SATB2: variants seen among roughly 807,000 people sequenced by gnomAD.
The protein encoded by SATB2 is DNA-binding protein SATB2.
Under a neutral mutation model 73.4 loss-of-function variants are expected in SATB2, and 1 was observed. That is an observed-to-expected ratio of 0.01 (90% CI 0.00 to 0.06). SATB2 has a LOEUF of 0.06. Among genes scored for constraint, SATB2 ranks in the 10% least tolerant of loss-of-function variants. SATB2 has a pLI of 1.00. For missense variants in SATB2, 459 were observed against 945.8 expected, an observed-to-expected ratio of 0.49 and a Z score of 6.75; for synonymous variants, 397 against 367.0, an observed-to-expected ratio of 1.08 and a Z score of -0.93.
chr2:199,470,917 A>T (rs1042886278), intron 1 of SATB2: 2 of 152,446 alleles, frequency 1.3e-5, no homozygotes, highest in Non-Finnish European at 2.9e-5. Context: ...CGGGTCTTTC[A>T]CCCCAAAGGA....
chr2:199,279,868 C>T (rs372248532), intron 10 of SATB2, among the ~76,000 whole-genome samples: 3 of 152,178 alleles, frequency 2.0e-5, no homozygotes, highest in Admixed American at 6.5e-5. Flanking sequence ...AGGTCAGGCA[C>T]GGTAGATGAT....
intron 7 of SATB2, among the ~76,000 whole-genome samples, chr2:199,334,210 T>C (rs1430380591): frequency 1.3e-5 from 2 of 152,166 alleles, no homozygotes; most frequent in African/African-American, 4.8e-5. Flanking sequence ...AGTAAAATCA[T>C]ACGCTGAGCA....
At chr2:199,358,853 T>C (rs1689060647) in intron 6 of SATB2, among the ~76,000 whole-genome samples, 1 of 152,184 alleles carries the variant, frequency 6.6e-6, no homozygotes, top group Non-Finnish European at 1.5e-5. Context: ...ATTATCTACC[T>C]TTCTTAGTCT....
intron 3 of SATB2, chr2:199,423,569 T>C (rs1333300571): frequency 2.0e-5 from 3 of 152,006 alleles, no homozygotes; most frequent in Non-Finnish European, 2.9e-5. Context: ...ACTTCTGATA[T>C]ATCTTTCATT....
At chr2:199,440,401 T>A (rs761165622) in intron 2 of SATB2, among the ~76,000 whole-genome samples, 1 of 152,226 alleles carries the variant, frequency 6.6e-6, no homozygotes, top group Non-Finnish European at 1.5e-5. Context: ...CTTGCTACAC[T>A]GTTTGAATGG....
At chr2:199,299,460 A>G (rs1687216877) in intron 10 of SATB2, among the ~76,000 whole-genome samples, 1 of 152,176 alleles carries the variant, frequency 6.6e-6, no homozygotes, top group African/African-American at 2.4e-5. Context: ...GAAAAACAGA[A>G]GCAGAAAGAT....
intron 2 of SATB2, among the ~76,000 whole-genome samples, chr2:199,446,984 A>G (rs1396537591): frequency 4.6e-5 from 7 of 152,118 alleles, no homozygotes; most frequent in African/African-American, 1.4e-4. Flanking sequence ...TGGAGCTCTG[A>G]CTACTCTGAT....
At chr2:199,287,309 A>AGAG (rs537757308) in intron 10 of SATB2, among the ~76,000 whole-genome samples, 17,988 of 152,162 alleles carry the variant, frequency 0.12, 1,159 homozygotes, top group South Asian at 0.19. Flanking sequence ...AAATTTAACC[A>AGAG]GAGCAGAGTT....
chr2:199,364,489 G>A (rs1458858996), intron 6 of SATB2, among the ~76,000 whole-genome samples: 3 of 152,044 alleles, frequency 2.0e-5, no homozygotes, highest in Non-Finnish European at 4.4e-5. Flanking sequence ...TTAATATCTG[G>A]CAAAAGAAGT....
intron 3 of SATB2, among the ~76,000 whole-genome samples, chr2:199,431,445 G>A (rs867109927): frequency 6.6e-6 from 1 of 152,006 alleles, no homozygotes; most frequent in Non-Finnish European, 1.5e-5. Flanking sequence ...TAAAATCTTT[G>A]CTTACCTATA....
intron 10 of SATB2, among the ~76,000 whole-genome samples, chr2:199,306,147 T>A (rs1245304700): frequency 6.6e-6 from 1 of 152,184 alleles, no homozygotes; most frequent in East Asian, 1.9e-4. Flanking sequence ...ACAGACCTTT[T>A]TATAGTAGCT....
intron 10 of SATB2, among the ~76,000 whole-genome samples, chr2:199,275,496 T>C (rs930501885): frequency 6.6e-5 from 10 of 152,228 alleles, no homozygotes; most frequent in Admixed American, 2.0e-4. Context: ...GGATTCAAGA[T>C]TGAACTGGAA....
intron 7 of SATB2, among the ~76,000 whole-genome samples, chr2:199,330,391 T>C (rs1345556127): frequency 6.6e-6 from 1 of 152,214 alleles, no homozygotes; most frequent in Non-Finnish European, 1.5e-5. Flanking sequence ...AATTTGGATG[T>C]CATGTTACTT....
At chr2:199,425,915 A>AT (rs1367553340) in intron 3 of SATB2, among the ~76,000 whole-genome samples, 1 of 152,200 alleles carries the variant, frequency 6.6e-6, no homozygotes, top group Non-Finnish European at 1.5e-5. Flanking sequence ...TTAATTTTAT[A>AT]TAGCAGAGGA....
intron 7 of SATB2, among the ~76,000 whole-genome samples, chr2:199,341,282 G>A (rs896588982): frequency 3.9e-5 from 6 of 152,128 alleles, no homozygotes; most frequent in Non-Finnish European, 7.4e-5. Context: ...AATAAATTCA[G>A]GATATAAGCA....
At chr2:199,405,203 T>A (rs1690594671) in intron 3 of SATB2, among the ~76,000 whole-genome samples, 4 of 152,214 alleles carry the variant, frequency 2.6e-5, no homozygotes. Flanking sequence ...CCTTGACTCC[T>A]CATTTACATG....
chr2:199,408,332 A>G (rs1190901023), intron 3 of SATB2, among the ~76,000 whole-genome samples: 2 of 152,206 alleles, frequency 1.3e-5, no homozygotes, highest in Non-Finnish European at 2.9e-5. Flanking sequence ...ATATGTATAC[A>G]CATAATTTTT....
At chr2:199,386,710 GCGCGCGCACACACACACACA>G (rs779849103) in intron 3 of SATB2, among the ~76,000 whole-genome samples, 9,838 of 90,556 alleles carry the variant, frequency 0.11, 404 homozygotes, top group Middle Eastern at 0.15. Context: ...GCGCGCGCGC[GCGCGCGCACACACACACACA>G]CACACACACA....
chr2:199,310,594 C>A (rs1687570229), intron 9 of SATB2, among the ~76,000 whole-genome samples: 1 of 152,090 alleles, frequency 6.6e-6, no homozygotes. Context: ...GGAAAATAAA[C>A]CATCTGTGGA....
Sources: allele counts gnomAD v4.1 joint callset (sites outside exome capture counted in the v4.1 genomes callset), GRCh38; gene constraint gnomAD v4.1.1; transcripts MANE v1.5; gene names NCBI Gene and HGNC (gene_info 2026-07-23, HGNC 2026-07-21).